UBE2V1: variants seen among roughly 807,000 people sequenced by gnomAD.
UBE2V1 encodes ubiquitin-conjugating enzyme E2 variant 1.
A neutral mutation model predicts 19.6 loss-of-function variants in UBE2V1; 15 were observed. That is an observed-to-expected ratio of 0.77 (90% CI 0.51 to 1.18). UBE2V1 has a LOEUF of 1.18. UBE2V1 is among the 50% of genes most tolerant of loss of function. The probability of loss-of-function intolerance (pLI) is 0.00; values close to 1 mark genes in which losing one functional copy is unlikely to be tolerated. For synonymous variants in UBE2V1, 60 were observed against 60.7 expected (o/e 0.99, Z 0.05); for missense variants, 125 against 184.8 (o/e 0.68, Z 1.88).
At chr20:50,100,757 G>A (rs2079935761) in intron 1 of UBE2V1, among the ~76,000 whole-genome samples, 1 of 152,184 alleles carries the variant, frequency 6.6e-6, no homozygotes, top group Non-Finnish European at 1.5e-5. Context: ...GTATTTAAAT[G>A]TCAGCTGGAC....
intron 1 of UBE2V1, among the ~76,000 whole-genome samples, chr20:50,099,862 G>A (rs749007108): frequency 3.3e-5 from 5 of 152,204 alleles, no homozygotes; most frequent in Non-Finnish European, 5.9e-5. Context: ...AGCACTTTGA[G>A]AGGCCAAGAC....
At chr20:50,111,235 T>C in intron 1 of UBE2V1, 3 of 984,916 alleles carry the variant, frequency 3.0e-6, no homozygotes, top group Non-Finnish European at 3.6e-6. Context: ...TGTATTCCAC[T>C]AGACAGCAGC....
At chr20:50,101,286 A>T (rs1213469401) in intron 1 of UBE2V1, among the ~76,000 whole-genome samples, 1 of 152,224 alleles carries the variant, frequency 6.6e-6, no homozygotes, top group East Asian at 1.9e-4. Context: ...TGTGATATAC[A>T]TATAAATATC....
chr20:50,104,516 G>A (rs1392382902), intron 1 of UBE2V1: 3 of 242,450 alleles, frequency 1.2e-5, no homozygotes, highest in Non-Finnish European at 2.0e-5. Flanking sequence ...AATTAGCCGG[G>A]CAAGGTGGCG....
chr20:50,082,537 A>G lies in UBE2V1; in HGVS notation c.*231T>C. 1.5e-6 allele frequency: 1 copy of G among 683,424 alleles called. No individual in the cohort carries two copies. Among genetic ancestry groups the G allele is most frequent in the Non-Finnish European group, 2.2e-6 (1 of 452,324 alleles). 42.3% of individuals were successfully genotyped at this position (683,424 alleles called of 1,614,324 possible). A position where few individuals can be genotyped will look rare whatever the true frequency, so the allele number is the denominator to read the frequency against. Reference sequence around the variant, plus strand: ...ATCCCAGAAGTTCAACTACGTGGACAGTGGTTACACTTGACAGGATGATTT... The same window carrying G: ...ATCCCAGAAGTTCAACTACGTGGACGGTGGTTACACTTGACAGGATGATTT... On this transcript the variant is annotated 3_prime_UTR_variant, in exon 4 of 4. Transcript: ENST00000371674.
chr20:50,110,906 G>C (rs146987532), intron 1 of UBE2V1, among the ~76,000 whole-genome samples: 2 of 152,296 alleles, frequency 1.3e-5, no homozygotes, highest in African/African-American at 4.8e-5. Flanking sequence ...TGTAGGGTTA[G>C]CTCTTTCCAT....
chr20:50,082,026 G>A lies in UBE2V1; in HGVS notation c.*742C>T, dbSNP rs114097793. The stretch of plus-strand genomic sequence containing the variant: ...GGAAGTGTCATGGAAGGTGTTGGGT[G>A]GTGACGGTGCAAAAAGGAACTTGAG... On this transcript the variant is annotated 3_prime_UTR_variant, in exon 4 of 4. Transcript: ENST00000371674. The A allele has an allele frequency of 3.0e-3, 610 of 203,042 alleles. 2 individuals are homozygous for A. Among genetic ancestry groups the A allele is most frequent in the African/African-American group, 0.013 (580 of 43,122 alleles). 12.6% of individuals were successfully genotyped at this position (203,042 alleles called of 1,614,324 possible). A position where few individuals can be genotyped will look rare whatever the true frequency, so the allele number is the denominator to read the frequency against.
upstream of UBE2V1, among the ~76,000 whole-genome samples, chr20:50,113,502 TCAC>T (rs1340732579): frequency 6.6e-6 from 1 of 152,202 alleles, no homozygotes; most frequent in African/African-American, 2.4e-5. Flanking sequence ...ATCTAGATCC[TCAC>T]CACATCTCCG....
At chr20:50,101,571 C>CAAACAA (rs2079998540) in intron 1 of UBE2V1, among the ~76,000 whole-genome samples, 1 of 71,194 alleles carries the variant, frequency 1.4e-5, no homozygotes, top group Non-Finnish European at 2.7e-5. Context: ...CATTTATAAG[C>CAAACAA]AAAAAAAAAA....
intron 1 of UBE2V1, among the ~76,000 whole-genome samples, chr20:50,098,515 G>A (rs2079779892): frequency 1.3e-5 from 2 of 152,176 alleles, no homozygotes; most frequent in African/African-American, 4.8e-5. Flanking sequence ...GTGAGGAGTG[G>A]CGTAATTCTA....
At position 50,084,165 on chromosome 20, in the gene UBE2V1, T is replaced by A; in HGVS notation, c.261A>T (p.Lys87Asn). ...AACTATTTACTCCATTCATATTAAT[T>A]TTTGTTACAAATCTTACAAAGGGGG... ...EAPPFVRFVT[K>N]INMNGVNSSN... Residue 87 changes from lysine to asparagine, a missense_variant, in exon 3 of 4, where the codon AAA becomes AAT. Around this residue, in one of 3 missense-constraint regions of UBE2V1, gnomAD observed 78 missense variants for 108.8 expected, o/e 0.72. Transcript: ENST00000371674. 6.2e-7 allele frequency: 1 copy of A among 1,608,206 alleles called. No homozygotes were observed. Among genetic ancestry groups the A allele is most frequent in the Non-Finnish European group, 8.5e-7 (1 of 1,178,128 alleles).
At chr20:50,093,078 T>C (rs2079337864) in intron 2 of UBE2V1, among the ~76,000 whole-genome samples, 1 of 152,250 alleles carries the variant, frequency 6.6e-6, no homozygotes, top group Non-Finnish European at 1.5e-5. Context: ...TCAGCACACA[T>C]AAATCTGTCT....
intron 2 of UBE2V1, among the ~76,000 whole-genome samples, chr20:50,093,987 CAAAAAAAAAAAAAA>C (rs60174191): frequency 1.8e-5 from 1 of 56,306 alleles, no homozygotes; most frequent in African/African-American, 6.5e-5. Context: ...GACTCCAACT[CAAAAAAAAAAAAAA>C]AAAAAAAAAA....
intron 1 of UBE2V1, among the ~76,000 whole-genome samples, chr20:50,099,485 T>C (rs779553443): frequency 5.9e-5 from 9 of 152,238 alleles, no homozygotes; most frequent in Non-Finnish European, 1.2e-4. Context: ...AAAAGAATTA[T>C]GGATGATTCC....
At chr20:50,107,518 C>A (rs1358214078) in intron 1 of UBE2V1, among the ~76,000 whole-genome samples, 1 of 152,176 alleles carries the variant, frequency 6.6e-6, no homozygotes, top group Non-Finnish European at 1.5e-5. Context: ...TGAGTCAGGA[C>A]AACTGGAGAA....
rs572233671 is a variant in UBE2V1 at position 50,085,716 on chromosome 20, T to A, written c.172-1462A>T. On this transcript the variant is annotated intron_variant, in intron 2 of 3. Coordinates refer to ENST00000371674, the MANE Select transcript of UBE2V1 (RefSeq NM_001032288.3). ...TCAGAAGGCATTCATAATATACCCA[T>A]GGAAACTTTTCTTGTCCACAGGGAT... is the stretch of plus-strand genomic sequence containing the variant. 3.2e-4 allele frequency among the ~76,000 whole-genome samples: 48 copies of A among 152,286 alleles called. No homozygotes were observed. The Middle Eastern group carries it at 0.01, about 32-fold the overall frequency.
At chr20:50,097,163 A>G (rs1166064813) in intron 1 of UBE2V1, among the ~76,000 whole-genome samples, 1 of 152,170 alleles carries the variant, frequency 6.6e-6, no homozygotes, top group African/African-American at 2.4e-5. Context: ...AAAACCATCA[A>G]TATCAGGTGC....
At chr20:50,107,646 T>C (rs2080476428) in intron 1 of UBE2V1, among the ~76,000 whole-genome samples, 2 of 152,234 alleles carry the variant, frequency 1.3e-5, no homozygotes, top group Admixed American at 6.5e-5. Flanking sequence ...ATCGGATACA[T>C]TGTTTCTCCA....
upstream of UBE2V1, among the ~76,000 whole-genome samples, chr20:50,113,791 A>G (rs202147614): frequency 3.8e-5 from 4 of 106,030 alleles, no homozygotes; most frequent in African/African-American, 1.1e-4. Context: ...TCATTCATTC[A>G]TTCGTTCATT....
Sources: gnomAD v4.1 joint callset for allele counts (sites outside exome capture counted in the v4.1 genomes callset) on GRCh38, gnomAD v4.1.1 for gene constraint, gnomAD v4.1.1 regional missense constraint, MANE v1.5 for transcripts, NCBI Gene and HGNC (gene_info 2026-07-23, HGNC 2026-07-21) for gene names.